Variants in STRIP2 observed in about 807,000 individuals in gnomAD.
STRIP2 encodes the protein striatin interacting protein 2, also known as striatin-interacting protein 2.
In STRIP2, 84 loss-of-function variants were observed where a neutral mutation model predicts 107.1. The ratio of observed to expected loss-of-function variants is 0.78; its 90% CI spans 0.66 to 0.94. STRIP2 has a LOEUF of 0.94. STRIP2 is among the 40% of genes least tolerant of loss of function. The probability of loss-of-function intolerance (pLI) is 0.00; values close to 1 mark genes in which losing one functional copy is unlikely to be tolerated. For missense variants in STRIP2, 888 were observed against 1,034.2 expected (o/e 0.86, Z 1.94); for synonymous variants, 394 against 400.4 (o/e 0.98, Z 0.19).
chr7:129,485,836 T>A lies in STRIP2; in HGVS notation c.*7T>A, dbSNP rs1296080310. 1 of 1,613,496 alleles carries A rather than the reference T, an allele frequency of 6.2e-7. No homozygotes were observed. Among genetic ancestry groups the A allele is most frequent in the East Asian group, 2.2e-5 (1 of 44,896 alleles). ...GCTGCTCCAGAATCACTGACTAAGTTCTTGTCAACAAGCATCAATAGATAG... is the reference window on the plus strand; with the variant it reads ...GCTGCTCCAGAATCACTGACTAAGTACTTGTCAACAAGCATCAATAGATAG... On this transcript the variant is annotated 3_prime_UTR_variant, in exon 21 of 21. Transcript: ENST00000249344.
intron 2 of STRIP2, among the ~76,000 whole-genome samples, chr7:129,440,795 A>G (rs778633806): frequency 2.6e-5 from 4 of 152,122 alleles, no homozygotes; most frequent in Non-Finnish European, 2.9e-5. Context: ...GCCAGTTATT[A>G]ATAAACAAGC....
chr7:129,482,729 C>T, intron 19 of STRIP2, 113 bp from the exon 20 acceptor site: 1 of 1,259,808 alleles, frequency 7.9e-7, no homozygotes, highest in South Asian at 1.4e-5. Context: ...ACCATAGATT[C>T]CTGAAAGCTC....
intron 19 of STRIP2, among the ~76,000 whole-genome samples, chr7:129,481,375 T>G (rs1341776649): frequency 6.6e-6 from 1 of 152,048 alleles, no homozygotes; most frequent in Non-Finnish European, 1.5e-5. Flanking sequence ...CAGGCACCTA[T>G]AGTCCCAGCT....
At position 129,472,797 on chromosome 7, in the gene STRIP2, T is replaced by C. The variant is rs1354265237; in HGVS notation, c.1944+2082T>C. 1.1e-3 allele frequency among the ~76,000 whole-genome samples: 151 copies of C among 136,754 alleles called. 3 individuals are homozygous for C. The highest frequency in any genetic ancestry group is 2.0e-3 in the Non-Finnish European group (125 of 63,352). 89.7% of individuals were successfully genotyped at this position (136,754 alleles called of 152,430 possible). On this transcript the variant is annotated intron_variant, in intron 18 of 20. Coordinates refer to ENST00000249344, the MANE Select transcript of STRIP2 (RefSeq NM_020704.3). ...TTTCCTTTTTTTTTTTTTTTTTTTT[T>C]TTTTTTTGAGACAGAGTCTTGTGCT...
Position 129,456,561 on chromosome 7 carries a change from G to A in STRIP2, c.957G>A (p.Pro319=), listed in dbSNP as rs780274259. The change falls in exon 9 of 21, where the codon CCG becomes CCA. Residue 319 remains proline, a synonymous_variant. Transcript: ENST00000249344. ...TGAAGAGCATGCGTGCTGCCTCCCC[G>A]CCCTCTTACACTCTTGACCTGGGAG... is the stretch of plus-strand genomic sequence containing the variant. The part of the protein sequence containing the change: ...QVVKSMRAAS[P]PSYTLDLGES... 2.3e-5 allele frequency: 37 copies of A among 1,613,814 alleles called. No homozygotes were observed. In the East Asian group the frequency reaches 4.0e-4, roughly 17 times the overall value.
intron 3 of STRIP2, among the ~76,000 whole-genome samples, chr7:129,447,699 G>C (rs1461672470): frequency 6.6e-6 from 1 of 152,248 alleles, no homozygotes; most frequent in Non-Finnish European, 1.5e-5. Context: ...CTTATGGACA[G>C]GAATGGAGAA....
At chr7:129,476,717 T>C (rs1394483303) in intron 18 of STRIP2, among the ~76,000 whole-genome samples, 1 of 149,382 alleles carries the variant, frequency 6.7e-6, no homozygotes, top group Non-Finnish European at 1.5e-5. Context: ...AGGGGCTCCT[T>C]GCATCCCAGA....
At chr7:129,463,339 A>G (rs1798592200) in intron 14 of STRIP2, among the ~76,000 whole-genome samples, 1 of 152,068 alleles carries the variant, frequency 6.6e-6, no homozygotes, top group African/African-American at 2.4e-5. Context: ...GTGGTCTGTC[A>G]TGTCCTAGAT....
rs1799225160 is a variant in STRIP2 at position 129,485,572 on chromosome 7, A to T, written c.2255-7A>T. ...TATGTCTTCTTCTTCCTCTCTTTCC[A>T]ACACAGACATCGATGCCAGACCATG... is the stretch of plus-strand genomic sequence containing the variant. On this transcript the variant is annotated splice_polypyrimidine_tract_variant and splice_region_variant and intron_variant, in intron 20 of 20. Coordinates refer to ENST00000249344, the MANE Select transcript of STRIP2 (RefSeq NM_020704.3). The T allele has an allele frequency of 2.5e-6, 4 of 1,613,594 alleles. No individual in the cohort carries two copies. In the African/African-American group the frequency reaches 5.3e-5, roughly 22 times the overall value.
intron 2 of STRIP2, among the ~76,000 whole-genome samples, chr7:129,442,602 A>G (rs904691952): frequency 3.3e-5 from 5 of 152,360 alleles, no homozygotes; most frequent in South Asian, 2.1e-4. Flanking sequence ...GACCAAGACT[A>G]AAGTTCAGTA....
At chr7:129,473,524 AC>A (rs1798842479) in intron 18 of STRIP2, among the ~76,000 whole-genome samples, 2 of 151,906 alleles carry the variant, frequency 1.3e-5, no homozygotes, top group Admixed American at 1.3e-4. Flanking sequence ...CAGACATGCT[AC>A]CATGCCAGGC....
chr7:129,485,570 C>CCAA lies in STRIP2; in HGVS notation c.2255-6_2255-4dup, dbSNP rs1450536270. On this transcript the variant is annotated splice_polypyrimidine_tract_variant and intron_variant, in intron 20 of 20. Coordinates refer to ENST00000249344, the MANE Select transcript of STRIP2 (RefSeq NM_020704.3). ...TGTATGTCTTCTTCTTCCTCTCTTT[C>CCAA]CAACACAGACATCGATGCCAGACCA... is the stretch of plus-strand genomic sequence containing the variant. 6.2e-7 allele frequency: 1 copy of CCAA among 1,613,398 alleles called. No homozygotes were observed. The highest frequency in any genetic ancestry group is 1.7e-5 in the Admixed American group (1 of 59,924).
intron 16 of STRIP2, among the ~76,000 whole-genome samples, chr7:129,466,399 C>T (rs1487895416): frequency 6.6e-6 from 1 of 152,208 alleles, no homozygotes; most frequent in African/African-American, 2.4e-5. Context: ...ACTGACTCCA[C>T]TGCTCTAACT....
intron 19 of STRIP2, among the ~76,000 whole-genome samples, chr7:129,481,614 A>G (rs1184487524): frequency 6.6e-6 from 1 of 152,056 alleles, no homozygotes; most frequent in East Asian, 1.9e-4. Context: ...TTATGCAATC[A>G]TTAAAAAGAA....
chr7:129,466,029 G>A (rs1272714493), intron 16 of STRIP2, among the ~76,000 whole-genome samples: 1 of 152,198 alleles, frequency 6.6e-6, no homozygotes, highest in East Asian at 1.9e-4. Flanking sequence ...TCCCACTTTT[G>A]CCAGTGTTTG....
intron 4 of STRIP2, among the ~76,000 whole-genome samples, chr7:129,452,095 T>C (rs1260443679): frequency 6.6e-6 from 1 of 152,214 alleles, no homozygotes; most frequent in Non-Finnish European, 1.5e-5. Context: ...AGACATCAAC[T>C]GTGGCCTGGC....
chr7:129,482,713 G>A (rs1198760701), intron 19 of STRIP2, 129 bp from the exon 20 acceptor site: 1 of 1,069,588 alleles, frequency 9.3e-7, no homozygotes, highest in Non-Finnish European at 1.4e-6. Context: ...TCTAAGTAGA[G>A]CCTGGACCAT....
intron 18 of STRIP2, chr7:129,478,062 G>C (rs1256580103): frequency 2.9e-6 from 1 of 342,436 alleles, no homozygotes; most frequent in Admixed American, 3.8e-5. Context: ...GTGGTGATAC[G>C]AAGAAATAGT....
chr7:129,456,629 G>C lies in STRIP2; in HGVS notation c.1025G>C (p.Arg342Pro), dbSNP rs142406635. 2.0e-5 allele frequency: 32 copies of C among 1,613,854 alleles called. No homozygotes were observed. The highest frequency in any genetic ancestry group is 2.2e-5 in the Non-Finnish European group (26 of 1,179,996). ...CCACCCTCCAAGCTGCGAGGCCGCC[G>C]TGGCTCTCGAAGGGTATGGACTGAA... ...APPPSKLRGR[R>P]GSRRQLLTKQ... is the part of the protein sequence containing the mutation. Residue 342 changes from arginine (R) to proline (P), a missense_variant, in exon 9 of 21, where the codon CGT becomes CCT. By Grantham distance (103) the Arg-to-Pro change is moderately radical (BLOSUM62 -2). Coordinates refer to ENST00000249344, the MANE Select transcript of STRIP2 (RefSeq NM_020704.3).
Sources: gnomAD v4.1 joint callset for allele counts (sites outside exome capture counted in the v4.1 genomes callset) on GRCh38, gnomAD v4.1.1 for gene constraint, MANE v1.5 for transcripts, NCBI Gene and HGNC (gene_info 2026-07-23, HGNC 2026-07-21) for gene names.